The following WASF2 variants were observed in gnomAD, a reference collection of about 807,000 sequenced individuals.
WASF2 encodes the protein actin-binding protein WASF2.
In WASF2, 14 loss-of-function variants were observed where a neutral mutation model predicts 45.0. The ratio of observed to expected loss-of-function variants is 0.31; its 90% CI spans 0.21 to 0.49. The LOEUF is 0.49. WASF2 is among the 20% of genes least tolerant of loss of function. The pLI, the probability that WASF2 is intolerant of heterozygous loss-of-function variation, is 0.99. For missense variants in WASF2, 439 were observed against 636.1 expected (o/e 0.69, Z 3.33); for synonymous variants, 200 against 236.3 (o/e 0.85, Z 1.41).
intron 1 of WASF2, among the ~76,000 whole-genome samples, chr1:27,466,006 T>G (rs2017607378): frequency 6.6e-6 from 1 of 152,158 alleles, no homozygotes; most frequent in African/African-American, 2.4e-5. Flanking sequence ...TGCAATGGAT[T>G]AAAACACATC....
intron 1 of WASF2, among the ~76,000 whole-genome samples, chr1:27,475,542 T>C (rs1482464528): frequency 1.3e-5 from 2 of 152,234 alleles, no homozygotes; most frequent in Non-Finnish European, 2.9e-5. Context: ...ACCATCCTTA[T>C]CTAAGTTCCT....
At chr1:27,487,421 T>C (rs1406871785) in intron 1 of WASF2, among the ~76,000 whole-genome samples, 1 of 129,178 alleles carries the variant, frequency 7.7e-6, no homozygotes, top group Non-Finnish European at 1.6e-5. Context: ...TTTATATAAA[T>C]ATATATATTT....
chr1:27,482,339 C>T (rs1329409176), intron 1 of WASF2, among the ~76,000 whole-genome samples: 1 of 152,202 alleles, frequency 6.6e-6, no homozygotes, highest in Non-Finnish European at 1.5e-5. Context: ...CTTAGAAAAG[C>T]ATGCCCATTC....
rs912015994 is a variant in WASF2, at chr1:27,438,005, C to T, written c.-43-9072G>A. Among the ~76,000 whole-genome samples the T allele has an allele frequency of 5.3e-5, 8 of 152,242 alleles. No homozygotes were observed. In the East Asian group the frequency reaches 9.6e-4, roughly 18 times the overall value. On this transcript the variant is annotated intron_variant, in intron 1 of 8. Coordinates refer to ENST00000618852, the MANE Select transcript of WASF2 (RefSeq NM_006990.5). The stretch of plus-strand genomic sequence containing the variant: ...CAATAAAATACCCTTCATATTTAAA[C>T]GATTCTTTTTAAATTTATAGCCAAT...
chr1:27,458,084 C>T (rs908457048), intron 1 of WASF2, among the ~76,000 whole-genome samples: 3 of 151,686 alleles, frequency 2.0e-5, no homozygotes, highest in East Asian at 1.9e-4. Context: ...CCGAGACAGG[C>T]GGATTGCCTG....
chr1:27,454,187 A>ATATATATATATATATT (rs1469446976), intron 1 of WASF2, among the ~76,000 whole-genome samples: 1 of 12,774 alleles, frequency 7.8e-5, no homozygotes, highest in African/African-American at 2.1e-4. Context: ...ATATATATAT[A>ATATATATATATATATT]TTTTTTTTTT....
intron 3 of WASF2, among the ~76,000 whole-genome samples, 153 bp from the exon 4 acceptor site, chr1:27,418,575 C>T (rs936310446): frequency 1.3e-5 from 2 of 152,230 alleles, no homozygotes; most frequent in Admixed American, 6.5e-5. Context: ...GGGGAAGCCC[C>T]ACAAGGCTGT....
chr1:27,442,125 A>T (rs1312495763), intron 1 of WASF2, among the ~76,000 whole-genome samples: 1 of 151,914 alleles, frequency 6.6e-6, no homozygotes, highest in Non-Finnish European at 1.5e-5. Flanking sequence ...AAAAAATAGT[A>T]AATAAAATAA....
chr1:27,422,781 A>C (rs928527039), intron 2 of WASF2, among the ~76,000 whole-genome samples: 3 of 152,056 alleles, frequency 2.0e-5, no homozygotes, highest in African/African-American at 7.3e-5. Context: ...GTGAGCTAAA[A>C]ATGTGAGTTG....
At chr1:27,465,295 T>C (rs1357053589) in intron 1 of WASF2, among the ~76,000 whole-genome samples, 1 of 152,200 alleles carries the variant, frequency 6.6e-6, no homozygotes, top group Non-Finnish European at 1.5e-5. Flanking sequence ...CAGGGAGAAA[T>C]GTTTAATGAG....
rs533774651 is a variant in WASF2, at chr1:27,437,912, A to G, written c.-43-8979T>C. Among the ~76,000 whole-genome samples, 6 of 152,366 alleles carry G rather than the reference A, an allele frequency of 3.9e-5. No homozygotes were observed. The East Asian group carries it at 1.2e-3, about 29-fold the overall frequency. On this transcript the variant is annotated intron_variant, in intron 1 of 8. Transcript: ENST00000618852. ...CACACACAAAACAAAAAAAGTATCA[A>G]ACCTCAACAAATCAGTTCAAATCAT...
chr1:27,465,534 A>C (rs2017602277), intron 1 of WASF2, among the ~76,000 whole-genome samples: 1 of 152,196 alleles, frequency 6.6e-6, no homozygotes, highest in East Asian at 1.9e-4. Flanking sequence ...CAAATTAATG[A>C]GGTTTAATAC....
rs547914887 is a variant in WASF2 at position 27,405,900 on chromosome 1, C to G, written c.*2289G>C. On this transcript the variant is annotated 3_prime_UTR_variant, in exon 9 of 9. Transcript: ENST00000618852. ...AATCCTACCTTCCGCAGGCAGTGCC[C>G]CTCCCCACCTCCTCCTGCCCCCAGC... 2 of 152,460 alleles carry G rather than the reference C, an allele frequency of 1.3e-5. No homozygotes were observed. Among genetic ancestry groups the G allele is most frequent in the African/African-American group, 4.8e-5 (2 of 41,498 alleles). 9.4% of individuals were successfully genotyped at this position (152,460 alleles called of 1,614,324 possible).
At chr1:27,430,151 G>C (rs1261908958) in intron 1 of WASF2, among the ~76,000 whole-genome samples, 1 of 152,170 alleles carries the variant, frequency 6.6e-6, no homozygotes, top group East Asian at 1.9e-4. Context: ...CGAATTCCTA[G>C]TTTTACAAGG....
chr1:27,457,621 CTTT>C (rs759707887), intron 1 of WASF2, among the ~76,000 whole-genome samples: 1 of 140,296 alleles, frequency 7.1e-6, no homozygotes, highest in Non-Finnish European at 1.6e-5. Flanking sequence ...ATATTGTGAC[CTTT>C]TTTTTTTTTT....
chr1:27,442,962 G>C (rs987231080), intron 1 of WASF2, among the ~76,000 whole-genome samples: 4 of 131,138 alleles, frequency 3.1e-5, no homozygotes, highest in African/African-American at 1.2e-4. Flanking sequence ...CTGCCCTCCA[G>C]CCTAGGAAAC....
At chr1:27,468,393 C>T (rs2017643450) in intron 1 of WASF2, among the ~76,000 whole-genome samples, 1 of 151,470 alleles carries the variant, frequency 6.6e-6, no homozygotes, top group Non-Finnish European at 1.5e-5. Context: ...GTAATCTCAG[C>T]ACTTTGGGAG....
chr1:27,469,941 G>A (rs1191315425), intron 1 of WASF2, among the ~76,000 whole-genome samples: 2 of 150,922 alleles, frequency 1.3e-5, no homozygotes, highest in African/African-American at 4.9e-5. Flanking sequence ...GAGACTCTGT[G>A]TCAAAAAAAA....
intron 1 of WASF2, among the ~76,000 whole-genome samples, chr1:27,452,184 C>T (rs1387457302): frequency 1.3e-5 from 2 of 152,194 alleles, no homozygotes; most frequent in Admixed American, 1.3e-4. Flanking sequence ...TTTCTTAATG[C>T]TTTAAAATTA....
Sources: allele counts gnomAD v4.1 joint callset (sites outside exome capture counted in the v4.1 genomes callset), GRCh38; gene constraint gnomAD v4.1.1; transcripts MANE v1.5; gene names NCBI Gene and HGNC (gene_info 2026-07-23, HGNC 2026-07-21).